EPB41L4B: variants seen among roughly 807,000 people sequenced by gnomAD.
EPB41L4B encodes erythrocyte membrane protein band 4.1 like 4B.
EPB41L4B carries 30 observed loss-of-function variants against 112.5 expected under a neutral mutation model. The observed-to-expected ratio is 0.27, with a 90% CI of 0.20 to 0.36. The LOEUF is 0.36. Among genes scored for constraint, EPB41L4B ranks in the 10% least tolerant of loss-of-function variants. The pLI, the probability that EPB41L4B is intolerant of heterozygous loss-of-function variation, is 1.00. For synonymous variants in EPB41L4B, 408 were observed against 439.7 expected, an observed-to-expected ratio of 0.93 and a Z score of 0.90; for missense variants, 1,024 against 1,133.3, an observed-to-expected ratio of 0.90 and a Z score of 1.38.
At chr9:109,201,856 T>C (rs1241856333) in intron 19 of EPB41L4B, among the ~76,000 whole-genome samples, 1 of 152,110 alleles carries the variant, frequency 6.6e-6, no homozygotes, top group East Asian at 1.9e-4. Context: ...GCAATGGACC[T>C]CAACTCTCTA....
rs573877426 is a variant in EPB41L4B at position 109,291,173 on chromosome 9, T to C, written c.307-11252A>G. On this transcript the variant is annotated intron_variant, in intron 1 of 25. Coordinates refer to ENST00000374566, the MANE Select transcript of EPB41L4B (RefSeq NM_019114.5). ...CCGCTTATAAGTAGCAGAACTATAA[T>C]AGGGGCCCAGCCTTCCTGATTTTTA... Among the ~76,000 whole-genome samples, 32 of 152,306 alleles carry C rather than the reference T, an allele frequency of 2.1e-4. No homozygotes were observed. The East Asian group carries it at 3.1e-3, about 15-fold the overall frequency.
chr9:109,185,040 A>T (rs557267535), intron 23 of EPB41L4B, among the ~76,000 whole-genome samples: 2 of 152,358 alleles, frequency 1.3e-5, no homozygotes, highest in Non-Finnish European at 2.9e-5. Flanking sequence ...AATGACAAAA[A>T]ATCATGCTAA....
At chr9:109,210,641 C>G (rs974935342) in intron 17 of EPB41L4B, among the ~76,000 whole-genome samples, 2 of 152,176 alleles carry the variant, frequency 1.3e-5, no homozygotes, top group Non-Finnish European at 2.9e-5. Context: ...CTGTAATATT[C>G]TGCTATATGA....
At chr9:109,268,646 C>T (rs1835494938) in intron 2 of EPB41L4B, among the ~76,000 whole-genome samples, 2 of 152,118 alleles carry the variant, frequency 1.3e-5, no homozygotes, top group South Asian at 4.1e-4. Context: ...CGCCTGTAAT[C>T]CCAGCACTTT....
intron 15 of EPB41L4B, among the ~76,000 whole-genome samples, chr9:109,222,226 A>T (rs1269673490): frequency 6.6e-6 from 1 of 152,228 alleles, no homozygotes; most frequent in African/African-American, 2.4e-5. Context: ...GAAACAAATG[A>T]AAAGAGAAAT....
chr9:109,282,433 T>C (rs1836102481), intron 1 of EPB41L4B, among the ~76,000 whole-genome samples: 1 of 152,158 alleles, frequency 6.6e-6, no homozygotes, highest in South Asian at 2.1e-4. Context: ...AAATAGTAGG[T>C]GGGTGGAGTT....
At chr9:109,279,985 T>A in intron 1 of EPB41L4B, 64 bp from the exon 2 acceptor site, 1 of 1,275,744 alleles carries the variant, frequency 7.8e-7, no homozygotes, top group Non-Finnish European at 1.1e-6. Context: ...AAAAAAAGGT[T>A]AAAAAAAACC....
At chr9:109,184,463 C>T (rs1480716674) in intron 23 of EPB41L4B, among the ~76,000 whole-genome samples, 1 of 152,228 alleles carries the variant, frequency 6.6e-6, no homozygotes, top group African/African-American at 2.4e-5. Flanking sequence ...AGGTGATCTG[C>T]CTGCCTCAGC....
At chr9:109,266,968 CAAAAAAAAAAA>C (rs3061574) in intron 4 of EPB41L4B, among the ~76,000 whole-genome samples, 8 of 91,746 alleles carry the variant, frequency 8.7e-5, no homozygotes, top group African/African-American at 2.9e-4. Flanking sequence ...GATTTTGTTT[CAAAAAAAAAAA>C]AAAAAAAAAA....
Position 109,216,884 on chromosome 9 carries a change from C to A in EPB41L4B, c.1633+38G>T, listed in dbSNP as rs531170535. ...AACTCTCGTGCCCTGCAGCATTGCTCCCCCTTCTCCTGCCTTGCCCCCTCC... is the reference window on the plus strand; with the variant it reads ...AACTCTCGTGCCCTGCAGCATTGCTACCCCTTCTCCTGCCTTGCCCCCTCC... On this transcript the variant is annotated intron_variant, in intron 16 of 25. Coordinates refer to ENST00000374566, the MANE Select transcript of EPB41L4B (RefSeq NM_019114.5). 15 of 1,593,570 alleles carry A rather than the reference C, an allele frequency of 9.4e-6. No homozygotes were observed. In the South Asian group the frequency reaches 1.7e-4, roughly 18 times the overall value.
At chr9:109,204,557 T>G (rs1235573998) in intron 18 of EPB41L4B, among the ~76,000 whole-genome samples, 2 of 152,158 alleles carry the variant, frequency 1.3e-5, no homozygotes, top group Non-Finnish European at 1.5e-5. Flanking sequence ...AGCAGCACGA[T>G]CATGGCTCAC....
At chr9:109,229,465 G>T (rs1467353375) in intron 15 of EPB41L4B, among the ~76,000 whole-genome samples, 1 of 152,160 alleles carries the variant, frequency 6.6e-6, no homozygotes, top group Non-Finnish European at 1.5e-5. Context: ...CAGTGCACAC[G>T]TATCAAGTGC....
chr9:109,292,123 A>G (rs922782987), intron 1 of EPB41L4B, among the ~76,000 whole-genome samples: 1 of 152,188 alleles, frequency 6.6e-6, no homozygotes, highest in African/African-American at 2.4e-5. Context: ...AACATCTGCT[A>G]GGGACCTCAA....
At chr9:109,223,425 A>G (rs1328068172) in intron 15 of EPB41L4B, among the ~76,000 whole-genome samples, 1 of 133,706 alleles carries the variant, frequency 7.5e-6, no homozygotes, top group African/African-American at 2.9e-5. Context: ...AAGGAGCAAG[A>G]CCCTGTCTCA....
chr9:109,240,539 G>T (rs1198660237), intron 15 of EPB41L4B: 1 of 985,086 alleles, frequency 1.0e-6, no homozygotes, highest in African/African-American at 1.7e-5. Flanking sequence ...AACATTTCAG[G>T]TCTATTATTA....
chr9:109,267,542 G>A lies in EPB41L4B; in HGVS notation c.464C>T (p.Ala155Val). 2 of 1,610,304 alleles carry A rather than the reference G, an allele frequency of 1.2e-6. No individual in the cohort carries two copies. Among genetic ancestry groups the A allele is most frequent in the Non-Finnish European group, 1.7e-6 (2 of 1,176,624 alleles). The change falls in exon 4 of 26, where the codon GCT becomes GTT. Residue 155 changes from alanine to valine, a missense_variant. Ala to Val is a moderately conservative substitution (Grantham distance 64). Coordinates refer to ENST00000374566, the MANE Select transcript of EPB41L4B (RefSeq NM_019114.5). ...PIKKQMKIGP[A>V]YALHFRVKYY... is the part of the protein sequence containing the mutation. ...TTTAACTCGAAAGTGTAAAGCATAA[G>A]CAGGTCCAACTAAACATTTGGAGAT...
chr9:109,285,261 T>C (rs903128310), intron 1 of EPB41L4B, among the ~76,000 whole-genome samples: 2 of 152,324 alleles, frequency 1.3e-5, no homozygotes, highest in African/African-American at 4.8e-5. Context: ...TAAGTTTCTG[T>C]CTAGGTCATT....
At chr9:109,288,149 T>G (rs1836371786) in intron 1 of EPB41L4B, among the ~76,000 whole-genome samples, 1 of 152,218 alleles carries the variant, frequency 6.6e-6, no homozygotes, top group Non-Finnish European at 1.5e-5. Context: ...CTAGTGCCTT[T>G]ATGAAAGACA....
intron 1 of EPB41L4B, among the ~76,000 whole-genome samples, chr9:109,315,504 CTG>C (rs1211477911): frequency 2.0e-5 from 3 of 152,154 alleles, no homozygotes; most frequent in Admixed American, 1.3e-4. Context: ...TTCCATGATC[CTG>C]TGTTAGGACG....
Sources: allele counts gnomAD v4.1 joint callset (sites outside exome capture counted in the v4.1 genomes callset), GRCh38; gene constraint gnomAD v4.1.1; transcripts MANE v1.5; gene names NCBI Gene and HGNC (gene_info 2026-07-23, HGNC 2026-07-21).